TRAPPC9: variants seen among roughly 807,000 people sequenced by gnomAD.
The protein encoded by TRAPPC9 is trafficking protein particle complex subunit 9.
TRAPPC9 carries 83 observed loss-of-function variants against 124.0 expected under a neutral mutation model. That is an observed-to-expected ratio of 0.67 (90% CI 0.56 to 0.80). The LOEUF is 0.80. Ranked by LOEUF, TRAPPC9 falls within the 30% of genes least tolerant of loss-of-function variation. TRAPPC9 has a pLI of 0.00. For synonymous variants in TRAPPC9, 638 were observed against 617.5 expected (o/e 1.03, Z -0.49); for missense variants, 1,302 against 1,508.3 (o/e 0.86, Z 2.27).
At chr8:140,367,209 C>G (rs542950652) in intron 8 of TRAPPC9, among the ~76,000 whole-genome samples, 390 of 152,296 alleles carry the variant, frequency 2.6e-3, no homozygotes, top group Non-Finnish European at 3.8e-3. Flanking sequence ...ATCCAGGAAC[C>G]ATGCCCCTTG....
At chr8:139,970,534 C>T (rs761177505) in intron 19 of TRAPPC9, among the ~76,000 whole-genome samples, 4 of 152,142 alleles carry the variant, frequency 2.6e-5, no homozygotes, top group African/African-American at 4.8e-5. Context: ...GAGGCCCCTT[C>T]ATACAGCCTG....
chr8:140,111,179 G>A (rs1016634560), intron 17 of TRAPPC9, among the ~76,000 whole-genome samples: 9 of 151,318 alleles, frequency 5.9e-5, no homozygotes, highest in African/African-American at 2.2e-4. Context: ...GACCCTGACT[G>A]ATACATCCAT....
intron 5 of TRAPPC9, among the ~76,000 whole-genome samples, chr8:140,409,615 C>T (rs2069621556): frequency 1.3e-5 from 2 of 152,132 alleles, no homozygotes; most frequent in Admixed American, 1.3e-4. Context: ...GTGTGCCACG[C>T]AGCTGTGAAA....
intron 15 of TRAPPC9, among the ~76,000 whole-genome samples, chr8:140,273,925 C>T (rs1358674388): frequency 6.6e-6 from 1 of 152,172 alleles, no homozygotes; most frequent in African/African-American, 2.4e-5. Flanking sequence ...AAAAATGCTA[C>T]TCTTCTGCCA....
intron 21 of TRAPPC9, among the ~76,000 whole-genome samples, chr8:139,858,731 C>T (rs6578048): frequency 0.39 from 58,671 of 151,476 alleles, 12,002 homozygotes; most frequent in East Asian, 0.72. Context: ...AACTTAACTG[C>T]TCAATGATAA....
At chr8:139,761,122 C>A (rs1429389693) in intron 21 of TRAPPC9, among the ~76,000 whole-genome samples, 2 of 152,208 alleles carry the variant, frequency 1.3e-5, no homozygotes, top group Non-Finnish European at 2.9e-5. Context: ...GAAATGAATG[C>A]CTTTCTGTTG....
In TRAPPC9 at chr8:140,081,346, C is replaced by CATTTTTTTTTTTTTTTTTTTTTTTTTT. The variant is rs35254769; in HGVS notation, c.2557-57268_2557-57267insAAAAAAAAAAAAAAAAAAAAAAAAAAT. ...GTCAAGGTGAAGAATAAAATGAATG[C>CATTTTTTTTTTTTTTTTTTTTTTTTTT]TTTTTTTTTTTTTTTTTGAGACAGA... On this transcript the variant is annotated intron_variant, in intron 17 of 22. Transcript: ENST00000438773. Among the ~76,000 whole-genome samples, 5 of 141,050 alleles carry CATTTTTTTTTTTTTTTTTTTTTTTTTT rather than the reference C, an allele frequency of 3.5e-5. 2 individuals are homozygous for CATTTTTTTTTTTTTTTTTTTTTTTTTT. The highest frequency in any genetic ancestry group is 6.1e-5 in the Non-Finnish European group (4 of 66,052). The allele number at this position is 141,050 out of a possible 152,430, so 92.5% of individuals were successfully genotyped here. A position where few individuals can be genotyped will look rare whatever the true frequency, so the allele number is the denominator to read the frequency against.
intron 21 of TRAPPC9, among the ~76,000 whole-genome samples, chr8:139,877,051 C>T (rs755144486): frequency 1.3e-5 from 2 of 152,182 alleles, no homozygotes; most frequent in African/African-American, 2.4e-5. Context: ...CTGGAGCTCA[C>T]GGTGGGATTT....
rs548570554 is a variant in TRAPPC9, at chr8:139,825,132, C to T, written c.3055+60747G>A. On this transcript the variant is annotated intron_variant, in intron 21 of 22. Coordinates refer to ENST00000438773, the MANE Select transcript of TRAPPC9 (RefSeq NM_001160372.4). This position sits in a 1 kb window ranked among gnomAD's most constrained non-coding sequence, Gnocchi z 4.6. ...GGCCCTGGACGTGGGACGTGGGCTG[C>T]GGGACTACAGGATTACAGAGGGGTC... Among the ~76,000 whole-genome samples the T allele has an allele frequency of 3.3e-4, 50 of 152,134 alleles. No homozygotes were observed. Among genetic ancestry groups the T allele is most frequent in the South Asian group, 1.0e-3 (5 of 4,812 alleles).
intron 10 of TRAPPC9, among the ~76,000 whole-genome samples, chr8:140,307,737 G>A (rs1314691358): frequency 6.6e-6 from 1 of 152,124 alleles, no homozygotes; most frequent in Non-Finnish European, 1.5e-5. Flanking sequence ...AAGCCTACTC[G>A]AATCTGTCAA....
chr8:140,345,506 G>C (rs1003532596), intron 9 of TRAPPC9, among the ~76,000 whole-genome samples: 6 of 152,192 alleles, frequency 3.9e-5, no homozygotes, highest in Admixed American at 6.5e-5. Context: ...CAGCAGGGCA[G>C]GCAGGCCAAA....
intron 9 of TRAPPC9, among the ~76,000 whole-genome samples, chr8:140,346,288 A>G (rs1375676005): frequency 6.6e-6 from 1 of 152,224 alleles, no homozygotes; most frequent in East Asian, 1.9e-4. Flanking sequence ...GTCATCCCCA[A>G]AGGAACTGCG....
chr8:140,440,998 AG>A (rs2070996981), intron 2 of TRAPPC9, among the ~76,000 whole-genome samples: 1 of 35,678 alleles, frequency 2.8e-5, no homozygotes, highest in Non-Finnish European at 5.8e-5. Flanking sequence ...TTTTTTTTGG[AG>A]ACAAGGTCTT....
chr8:140,429,086 G>T (rs957299731), intron 4 of TRAPPC9, among the ~76,000 whole-genome samples: 46 of 143,102 alleles, frequency 3.2e-4, no homozygotes, highest in Admixed American at 1.1e-3. Flanking sequence ...TTCTGTTTTT[G>T]TTTTTTTTTT....
chr8:140,335,147 G>C (rs982515059), intron 9 of TRAPPC9, among the ~76,000 whole-genome samples: 3 of 152,100 alleles, frequency 2.0e-5, no homozygotes, highest in African/African-American at 7.3e-5. Flanking sequence ...TAGACAAAGG[G>C]TAGACACTGC....
intron 11 of TRAPPC9, among the ~76,000 whole-genome samples, chr8:140,299,201 C>G (rs2065895740): frequency 6.6e-6 from 1 of 152,192 alleles, no homozygotes; most frequent in Admixed American, 6.5e-5. Flanking sequence ...TTGGAACAAG[C>G]CTGTTTCTTT....
chr8:140,064,518 G>GA (rs771714216), intron 17 of TRAPPC9, among the ~76,000 whole-genome samples: 4 of 152,198 alleles, frequency 2.6e-5, no homozygotes, highest in African/African-American at 9.7e-5. Context: ...TGGAAGGCAG[G>GA]AAAGATATTA....
chr8:140,000,369 A>G (rs1435937781), intron 18 of TRAPPC9, among the ~76,000 whole-genome samples: 4 of 152,262 alleles, frequency 2.6e-5, no homozygotes, highest in Admixed American at 6.5e-5. Context: ...AACAAAAGCC[A>G]AAATAGACAA....
chr8:139,761,770 C>T (rs1018457127), intron 21 of TRAPPC9, among the ~76,000 whole-genome samples: 1 of 151,948 alleles, frequency 6.6e-6, no homozygotes, highest in African/African-American at 2.4e-5. Flanking sequence ...GTTCTGCTGT[C>T]CTGTCACGGG....
Sources: allele counts gnomAD v4.1 joint callset (sites outside exome capture counted in the v4.1 genomes callset), GRCh38; gene constraint gnomAD v4.1.1; non-coding constraint Gnocchi (gnomAD v3.1); transcripts MANE v1.5; gene names NCBI Gene and HGNC (gene_info 2026-07-23, HGNC 2026-07-21).